The following MYO5B variants were observed in gnomAD, a reference collection of about 807,000 sequenced individuals.
MYO5B encodes unconventional myosin-Vb.
MYO5B carries 143 observed loss-of-function variants against 229.3 expected under a neutral mutation model. The observed-to-expected ratio is 0.62, with a 90% CI of 0.54 to 0.72. The LOEUF is 0.72. MYO5B is among the 30% of genes least tolerant of loss of function. MYO5B has a pLI of 0.00. For synonymous variants in MYO5B, 918 were observed against 885.2 expected (o/e 1.04, Z -0.66); for missense variants, 2,321 against 2,331.0 (o/e 1.00, Z 0.09).
intron 30 of MYO5B, among the ~76,000 whole-genome samples, chr18:49,855,098 T>C (rs1416788701): frequency 6.6e-6 from 1 of 152,238 alleles, no homozygotes; most frequent in Non-Finnish European, 1.5e-5. Context: ...ATATCCAATA[T>C]TGGCTACAGT....
rs151324348 is a variant in MYO5B, at chr18:50,166,302, T to C, written c.27+28465A>G. Among the ~76,000 whole-genome samples, 27 of 152,364 alleles carry C rather than the reference T, an allele frequency of 1.8e-4. 1 individual carries two copies. The East Asian group carries it at 5.2e-3, about 29-fold the overall frequency. Reference sequence around the variant, plus strand: ...TTGTCCCCAGATTCTATCTGAAACCTTAAGCATTCTGTGCCCTGAATACTG... The same window carrying C: ...TTGTCCCCAGATTCTATCTGAAACCCTAAGCATTCTGTGCCCTGAATACTG... On this transcript the variant is annotated intron_variant, in intron 1 of 39. Coordinates refer to ENST00000285039, the MANE Select transcript of MYO5B (RefSeq NM_001080467.3).
intron 29 of MYO5B, 76 bp from the exon 30 acceptor site, chr18:49,856,966 G>C (rs1272926937): frequency 1.6e-6 from 2 of 1,287,356 alleles, no homozygotes; most frequent in Non-Finnish European, 2.3e-6. Flanking sequence ...CCTGGAAAGT[G>C]AGGAGATTCT....
intron 1 of MYO5B, among the ~76,000 whole-genome samples, chr18:50,111,547 T>C (rs977126863): frequency 7.9e-5 from 12 of 152,216 alleles, no homozygotes; most frequent in African/African-American, 2.9e-4. Flanking sequence ...TAGATAAGAC[T>C]GAATTCAAAA....
At chr18:50,048,722 G>A (rs2030307432) in intron 2 of MYO5B, among the ~76,000 whole-genome samples, 1 of 152,102 alleles carries the variant, frequency 6.6e-6, no homozygotes, top group African/African-American at 2.4e-5. Flanking sequence ...GTATCCAAAA[G>A]GGTTTCAAAA....
chr18:50,052,962 A>G (rs1241542292), intron 2 of MYO5B, among the ~76,000 whole-genome samples: 1 of 152,130 alleles, frequency 6.6e-6, no homozygotes, highest in South Asian at 2.1e-4. Context: ...AACCCACACT[A>G]TTGAACTTCA....
chr18:50,158,913 T>A (rs2032722759), intron 1 of MYO5B, among the ~76,000 whole-genome samples: 2 of 152,172 alleles, frequency 1.3e-5, no homozygotes, highest in African/African-American at 4.8e-5. Context: ...AGATTAAACA[T>A]GAATCTACGC....
At chr18:49,980,574 G>T in intron 8 of MYO5B, 21 bp from the exon 9 acceptor site, 1 of 1,506,424 alleles carries the variant, frequency 6.6e-7, no homozygotes, top group Non-Finnish European at 9.2e-7. Context: ...AAAATGAATG[G>T]ATGACACTCA....
intron 21 of MYO5B, among the ~76,000 whole-genome samples, chr18:49,896,733 T>C (rs1291069376): frequency 6.6e-6 from 1 of 152,088 alleles, no homozygotes; most frequent in Non-Finnish European, 1.5e-5. Context: ...TAATGCGAAG[T>C]ATGATGTATC....
At chr18:50,031,438 A>G (rs977081771) in intron 4 of MYO5B, among the ~76,000 whole-genome samples, 1 of 152,192 alleles carries the variant, frequency 6.6e-6, no homozygotes, top group African/African-American at 2.4e-5. Flanking sequence ...CTAATCTCAG[A>G]CAGCAACTCT....
intron 1 of MYO5B, 24 bp from the exon 2 acceptor site, chr18:50,055,402 CTT>C: frequency 1.3e-6 from 2 of 1,581,736 alleles, no homozygotes; most frequent in Non-Finnish European, 1.7e-6. Context: ...ACAGAAGAAA[CTT>C]AGATACAGAA....
chr18:49,880,560 A>C, intron 22 of MYO5B, 105 bp from the exon 23 acceptor site: 1 of 921,008 alleles, frequency 1.1e-6, no homozygotes, highest in East Asian at 2.4e-5. Context: ...TGCTCTTTTT[A>C]AGAAAATTGA....
intron 4 of MYO5B, among the ~76,000 whole-genome samples, chr18:50,007,064 G>T (rs1211676804): frequency 6.6e-6 from 1 of 152,088 alleles, no homozygotes; most frequent in Non-Finnish European, 1.5e-5. Context: ...TGCAGACTTG[G>T]GTGGCACCCG....
At chr18:49,845,713 C>T (rs1056698199) in intron 33 of MYO5B, among the ~76,000 whole-genome samples, 18 of 149,850 alleles carry the variant, frequency 1.2e-4, no homozygotes, top group African/African-American at 4.5e-4. Context: ...CCACAGGACT[C>T]TCTCCTCTAA....
At position 49,953,298 on chromosome 18, in the gene MYO5B, C is replaced by A. The variant is rs746143759; in HGVS notation, c.1714G>T (p.Val572Leu). Reference protein sequence around the residue: ...DGFLEKNRDTVYEEQINILKA... With the variant: ...DGFLEKNRDTLYEEQINILKA... ...AGGATATTGATCTGCTCTTCATACA[C>A]CGTGTCTCTGTTTTTCTCCAGAAAA... The change falls in exon 14 of 40, where the codon GTG becomes TTG. Residue 572 changes from valine (V) to leucine (L), a missense_variant. By Grantham distance (32) the Val-to-Leu change is conservative. Transcript: ENST00000285039. 2 of 1,614,160 alleles carry A rather than the reference C, an allele frequency of 1.2e-6. No individual in the cohort carries two copies. Among genetic ancestry groups the A allele is most frequent in the East Asian group, 2.2e-5 (1 of 44,874 alleles).
chr18:49,877,762 C>T lies in MYO5B; in HGVS notation c.3396+1G>A, dbSNP rs1325368359. ...AGTACCCAAGAGCCTGCATCACTCA[C>T]CTCCACCTGCTGGAGGGCATCCTCA... On this transcript the variant is annotated splice_donor_variant, in intron 25 of 39. Transcript: ENST00000285039. LOFTEE classifies it high-confidence loss of function. 4.3e-6 allele frequency: 7 copies of T among 1,613,936 alleles called. No individual in the cohort carries two copies. The highest frequency in any genetic ancestry group is 1.6e-4 in the Middle Eastern group (1 of 6,070).
chr18:49,834,770 C>G (rs2023966973), intron 39 of MYO5B, among the ~76,000 whole-genome samples: 1 of 152,072 alleles, frequency 6.6e-6, no homozygotes. Flanking sequence ...TCCCGAGTAG[C>G]TGGGACTACA....
intron 1 of MYO5B, among the ~76,000 whole-genome samples, chr18:50,091,010 A>G (rs1322171753): frequency 1.3e-5 from 2 of 152,234 alleles, no homozygotes; most frequent in Non-Finnish European, 2.9e-5. Flanking sequence ...GAAGAAGTTC[A>G]TTTTAAGTTG....
chr18:49,849,672 G>A lies in MYO5B; in HGVS notation c.4222-12C>T. On this transcript the variant is annotated splice_polypyrimidine_tract_variant and intron_variant, in intron 31 of 39. Coordinates refer to ENST00000285039, the MANE Select transcript of MYO5B (RefSeq NM_001080467.3). ...AGTTCTTTAAGGTCCTGGAAGCAGA[G>A]GAAGCAGTGTGAGAACAGACATCAG... 1 of 1,604,120 alleles carries A rather than the reference G, an allele frequency of 6.2e-7. No individual in the cohort carries two copies. Among genetic ancestry groups the A allele is most frequent in the East Asian group, 2.2e-5 (1 of 44,846 alleles).
intron 1 of MYO5B, among the ~76,000 whole-genome samples, chr18:50,128,420 G>A (rs548850703): frequency 6.6e-4 from 101 of 152,310 alleles, no homozygotes; most frequent in Admixed American, 1.4e-3. Flanking sequence ...GGGTGCCTGT[G>A]ATCTTGAGAA....
Sources: allele counts gnomAD v4.1 joint callset (sites outside exome capture counted in the v4.1 genomes callset), GRCh38; gene constraint gnomAD v4.1.1; transcripts MANE v1.5; gene names NCBI Gene and HGNC (gene_info 2026-07-23, HGNC 2026-07-21).